Variants in MGRN1 observed in about 807,000 individuals in gnomAD.
MGRN1 encodes E3 ubiquitin-protein ligase MGRN1.
MGRN1 carries 29 observed loss-of-function variants against 69.2 expected under a neutral mutation model. The observed-to-expected ratio is 0.42, with a 90% CI of 0.31 to 0.57. The LOEUF (loss-of-function observed/expected upper bound fraction) is 0.57, where lower values mean the gene tolerates loss of function less well. Among genes scored for constraint, MGRN1 ranks in the 20% least tolerant of loss-of-function variants. The probability of loss-of-function intolerance (pLI) is 0.15; values close to 1 mark genes in which losing one functional copy is unlikely to be tolerated. For missense variants in MGRN1, 998 were observed against 796.2 expected, an observed-to-expected ratio of 1.25 and a Z score of -3.05; for synonymous variants, 470 against 344.2, an observed-to-expected ratio of 1.37 and a Z score of -4.04.
chr16:4,648,978 A>G (rs1179257295), intron 1 of MGRN1: 1 of 157,752 alleles, frequency 6.3e-6, no homozygotes, highest in Non-Finnish European at 1.4e-5. Flanking sequence ...ATGGGGCTGG[A>G]TCTGGGCGTC....
At chr16:4,630,089 C>T (rs1461699985) in intron 1 of MGRN1, among the ~76,000 whole-genome samples, 8 of 147,116 alleles carry the variant, frequency 5.4e-5, no homozygotes, top group South Asian at 2.2e-4. Context: ...CAGTGGCTCG[C>T]GCCTGTAATC....
intron 1 of MGRN1, among the ~76,000 whole-genome samples, chr16:4,644,457 C>T (rs1246907856): frequency 2.6e-5 from 4 of 151,900 alleles, no homozygotes; most frequent in Admixed American, 1.3e-4. Context: ...ATTACAGGCA[C>T]ACACCACCAC....
chr16:4,652,098 G>A (rs770841814), intron 3 of MGRN1, 47 bp downstream of exon 3: 1 of 1,576,296 alleles, frequency 6.3e-7, no homozygotes, highest in Non-Finnish European at 8.7e-7. Flanking sequence ...GTGGGGCGCA[G>A]CCTGTGGTGG....
intron 1 of MGRN1, among the ~76,000 whole-genome samples, chr16:4,625,617 C>G (rs963298868): frequency 1.3e-5 from 2 of 152,090 alleles, no homozygotes; most frequent in Non-Finnish European, 2.9e-5. Context: ...AGGACCCAGC[C>G]GATACTCGGG....
At position 4,656,473 on chromosome 16, in the gene MGRN1, C is replaced by T. The variant is rs564705713; in HGVS notation, c.444-773C>T. ...TGGGCACCATTGTGCCTCCGCCTTC[C>T]GGGAGTGATCTGTGGGTCTCTGCTG... On this transcript the variant is annotated intron_variant, in intron 4 of 16. Transcript: ENST00000262370. Among the ~76,000 whole-genome samples the T allele has an allele frequency of 1.2e-4, 18 of 152,332 alleles. No individual in the cohort carries two copies. The South Asian group carries it at 1.2e-3, about 11-fold the overall frequency.
At chr16:4,645,300 A>G (rs2078251478) in intron 1 of MGRN1, among the ~76,000 whole-genome samples, 3 of 152,008 alleles carry the variant, frequency 2.0e-5, no homozygotes, top group Admixed American at 2.0e-4. Context: ...CTGAGTAGCT[A>G]GGACTACAGG....
chr16:4,633,790 T>C (rs1319374168), intron 1 of MGRN1: 4 of 151,210 alleles, frequency 2.6e-5, no homozygotes, highest in Non-Finnish European at 5.9e-5. Flanking sequence ...CTATCTCGGC[T>C]CACTGCAAGC....
chr16:4,682,044 G>A (rs894462146), intron 13 of MGRN1, among the ~76,000 whole-genome samples: 11 of 152,344 alleles, frequency 7.2e-5, no homozygotes, highest in East Asian at 1.9e-4. Flanking sequence ...ACGTGCTCTC[G>A]AGCAGGAAAC....
At chr16:4,648,804 C>CG (rs1201290549) in intron 1 of MGRN1, among the ~76,000 whole-genome samples, 1 of 116,200 alleles carries the variant, frequency 8.6e-6, no homozygotes, top group South Asian at 2.9e-4. Context: ...GTCCTCCTCC[C>CG]GGGGCTCTTC....
intron 13 of MGRN1, among the ~76,000 whole-genome samples, chr16:4,682,252 C>G (rs2079202602): frequency 6.6e-6 from 1 of 152,246 alleles, no homozygotes; most frequent in South Asian, 2.1e-4. Context: ...GGCACGGTCC[C>G]TCTCCAGGCG....
intron 1 of MGRN1, 65 bp from the exon 2 acceptor site, chr16:4,650,300 A>C: frequency 7.5e-7 from 1 of 1,336,058 alleles, no homozygotes; most frequent in Non-Finnish European, 1.0e-6. Flanking sequence ...ACTGCACTCT[A>C]GCCTGAGACT....
At position 4,652,070 on chromosome 16, in the gene MGRN1, T is replaced by C. The variant is rs1312863456; in HGVS notation, c.296+19T>C. On this transcript the variant is annotated intron_variant, in intron 3 of 16. Coordinates refer to ENST00000262370, the MANE Select transcript of MGRN1 (RefSeq NM_015246.4). ...TGGTGAGGTAACTTCACCCTGCCCC[T>C]GGGGACCCTGTGGCTCTGTGGGGCG... 2.4e-5 allele frequency: 38 copies of C among 1,609,828 alleles called. No individual in the cohort carries two copies. The highest frequency in any genetic ancestry group is 8.5e-7 in the Non-Finnish European group (1 of 1,176,584).
At chr16:4,685,124 G>C (rs903224560) in intron 16 of MGRN1, among the ~76,000 whole-genome samples, 2 of 152,246 alleles carry the variant, frequency 1.3e-5, no homozygotes, top group East Asian at 3.8e-4. Flanking sequence ...GGTGTGTTTA[G>C]GACCAGCTTA....
At chr16:4,642,762 G>A (rs1033039191) in intron 1 of MGRN1, among the ~76,000 whole-genome samples, 2 of 151,500 alleles carry the variant, frequency 1.3e-5, no homozygotes, top group Non-Finnish European at 2.9e-5. Context: ...CACCGTGCCT[G>A]GTGGGTTATA....
chr16:4,668,274 G>A lies in MGRN1; in HGVS notation c.688G>A (p.Gly230Ser), dbSNP rs758776706. ...TCTTTCTCCCCTGCAGCACATGGAC[G>A]GCAGCTTCTCTGTGAAGCCTTTAAA... ...LLAAFEKHMDGSFSVKPLKQK... is the reference protein window; with the variant it reads ...LLAAFEKHMDSSFSVKPLKQK... The change falls in exon 8 of 17, where the codon GGC (glycine) becomes AGC (serine). Residue 230 changes from glycine to serine, a missense_variant. Gly to Ser is a moderately conservative substitution (Grantham distance 56). Transcript: ENST00000262370. 44 of 1,613,852 alleles carry A rather than the reference G, an allele frequency of 2.7e-5. No homozygotes were observed. The highest frequency in any genetic ancestry group is 1.5e-4 in the South Asian group (14 of 91,064).
Position 4,689,031 on chromosome 16 carries a change from G to A in MGRN1, c.*123G>A, listed in dbSNP as rs548702721. 6.1e-6 allele frequency: 8 copies of A among 1,314,798 alleles called. No homozygotes were observed. Among genetic ancestry groups the A allele is most frequent in the African/African-American group, 1.5e-5 (1 of 67,294 alleles). The allele number at this position is 1,314,798 out of a possible 1,614,324, so 81.4% of individuals were successfully genotyped here. ...CCCCCTGTGGCCACCAGGCTCCGAG[G>A]GGCCGTGGTGACTCTTGATCAAAGA... On this transcript the variant is annotated 3_prime_UTR_variant, in exon 17 of 17. Coordinates refer to ENST00000262370, the MANE Select transcript of MGRN1 (RefSeq NM_015246.4).
intron 2 of MGRN1, chr16:4,650,690 CCA>C: frequency 2.3e-6 from 1 of 436,474 alleles, no homozygotes; most frequent in Non-Finnish European, 4.0e-6. Flanking sequence ...GGCCAGATGG[CCA>C]GGGGCAGGTC....
chr16:4,635,083 G>A (rs1008910958), intron 1 of MGRN1: 5 of 149,916 alleles, frequency 3.3e-5, no homozygotes, highest in African/African-American at 1.3e-4. Context: ...GGGAAAAAGT[G>A]TGTGTGTACA....
At chr16:4,668,532 CACACACAT>C (rs1246789652) in intron 8 of MGRN1, among the ~76,000 whole-genome samples, 2 of 151,910 alleles carry the variant, frequency 1.3e-5, no homozygotes, top group African/African-American at 4.8e-5. Context: ...AACACACAGA[CACACACAT>C]ACACACATAA....
Sources: gnomAD v4.1 joint callset for allele counts (sites outside exome capture counted in the v4.1 genomes callset) on GRCh38, gnomAD v4.1.1 for gene constraint, MANE v1.5 for transcripts, NCBI Gene and HGNC (gene_info 2026-07-23, HGNC 2026-07-21) for gene names.